The following PLCXD3 variants were observed in gnomAD, a reference collection of about 807,000 sequenced individuals.
The protein encoded by PLCXD3 is phosphatidylinositol specific phospholipase C X domain containing 3.
In PLCXD3, 19 loss-of-function variants were observed where a neutral mutation model predicts 25.5. The observed-to-expected ratio is 0.75, with a 90% CI of 0.52 to 1.09. The LOEUF (loss-of-function observed/expected upper bound fraction) is 1.09, where lower values mean the gene tolerates loss of function less well. PLCXD3 is among the 50% of genes least tolerant of loss of function. The pLI, the probability that PLCXD3 is intolerant of heterozygous loss-of-function variation, is 0.00. For missense variants in PLCXD3, 411 were observed against 388.1 expected, an observed-to-expected ratio of 1.06 and a Z score of -0.50; for synonymous variants, 174 against 137.6, an observed-to-expected ratio of 1.26 and a Z score of -1.85.
At chr5:41,485,363 A>G (rs1450942433) in intron 1 of PLCXD3, among the ~76,000 whole-genome samples, 1 of 152,184 alleles carries the variant, frequency 6.6e-6, no homozygotes, top group Non-Finnish European at 1.5e-5. Flanking sequence ...TACTTAAAAA[A>G]TCACACTGAT....
At chr5:41,370,791 T>C (rs995785748) in intron 2 of PLCXD3, among the ~76,000 whole-genome samples, 4 of 152,176 alleles carry the variant, frequency 2.6e-5, no homozygotes, top group African/African-American at 9.6e-5. Flanking sequence ...AACCAATTTG[T>C]TGAAAATGTG....
chr5:41,492,335 T>C (rs1216143933), intron 1 of PLCXD3, among the ~76,000 whole-genome samples: 17 of 152,182 alleles, frequency 1.1e-4, no homozygotes, highest in Non-Finnish European at 2.2e-4. Context: ...CCTTTGTGGG[T>C]AACCCGACCT....
intron 1 of PLCXD3, among the ~76,000 whole-genome samples, chr5:41,449,366 T>A (rs954986651): frequency 1.4e-4 from 21 of 152,226 alleles, no homozygotes; most frequent in African/African-American, 4.3e-4. Context: ...TAGAGCATAG[T>A]CAGTGGTCAA....
At chr5:41,369,852 T>C (rs1740997908) in intron 2 of PLCXD3, among the ~76,000 whole-genome samples, 1 of 152,206 alleles carries the variant, frequency 6.6e-6, no homozygotes, top group Non-Finnish European at 1.5e-5. Context: ...CTAAATTATA[T>C]AGGCAACAAC....
At chr5:41,419,496 T>C (rs1001602716) in intron 1 of PLCXD3, among the ~76,000 whole-genome samples, 4 of 152,136 alleles carry the variant, frequency 2.6e-5, no homozygotes, top group African/African-American at 9.7e-5. Context: ...CAAGACATGG[T>C]TGAAGTTTTT....
intron 1 of PLCXD3, among the ~76,000 whole-genome samples, chr5:41,415,554 C>T (rs10512771): frequency 0.076 from 11,495 of 152,216 alleles, 629 homozygotes; most frequent in East Asian, 0.18. Flanking sequence ...TTCACAATGA[C>T]GTTGCCCATT....
intron 1 of PLCXD3, among the ~76,000 whole-genome samples, chr5:41,475,174 C>A (rs1049196437): frequency 2.0e-5 from 3 of 152,222 alleles, no homozygotes; most frequent in Non-Finnish European, 2.9e-5. Flanking sequence ...AATTATTCCC[C>A]ATGTTACCCT....
intron 2 of PLCXD3, among the ~76,000 whole-genome samples, chr5:41,345,764 C>T (rs1240888361): frequency 6.6e-6 from 1 of 152,116 alleles, no homozygotes; most frequent in Non-Finnish European, 1.5e-5. Context: ...CCAACTTTAA[C>T]TCATTTAACT....
At chr5:41,408,530 C>T (rs758493991) in intron 1 of PLCXD3, among the ~76,000 whole-genome samples, 12 of 152,164 alleles carry the variant, frequency 7.9e-5, no homozygotes, top group Non-Finnish European at 1.3e-4. Flanking sequence ...GAATACTTTC[C>T]TGTCACATAT....
At chr5:41,472,315 C>T (rs1748183886) in intron 1 of PLCXD3, among the ~76,000 whole-genome samples, 1 of 152,078 alleles carries the variant, frequency 6.6e-6, no homozygotes, top group Admixed American at 6.5e-5. Context: ...TCTGATCTGC[C>T]TTGACTGGTT....
chr5:41,489,493 G>T (rs1392784771), intron 1 of PLCXD3, among the ~76,000 whole-genome samples: 1 of 152,084 alleles, frequency 6.6e-6, no homozygotes, highest in African/African-American at 2.4e-5. Context: ...TGATGGGGAT[G>T]GCCTTGAATC....
At chr5:41,458,576 T>C (rs1747806315) in intron 1 of PLCXD3, among the ~76,000 whole-genome samples, 1 of 151,984 alleles carries the variant, frequency 6.6e-6, no homozygotes, top group African/African-American at 2.4e-5. Flanking sequence ...GTGTTAAGTG[T>C]TGGGACCAAG....
At chr5:41,373,484 C>G (rs1045779287) in intron 2 of PLCXD3, among the ~76,000 whole-genome samples, 15 of 152,142 alleles carry the variant, frequency 9.9e-5, no homozygotes, top group Non-Finnish European at 1.0e-4. Flanking sequence ...GTATACTTAG[C>G]TAACCCATTC....
chr5:41,361,662 T>C (rs141637926), intron 2 of PLCXD3, among the ~76,000 whole-genome samples: 1 of 152,286 alleles, frequency 6.6e-6, no homozygotes, highest in East Asian at 1.9e-4. Context: ...AAATAAAAGA[T>C]AAATAAAAGG....
chr5:41,407,640 A>G (rs1395977988), intron 1 of PLCXD3, among the ~76,000 whole-genome samples: 1 of 152,226 alleles, frequency 6.6e-6, no homozygotes, highest in East Asian at 1.9e-4. Context: ...ATGTATCACA[A>G]TCTACAAGAC....
chr5:41,425,976 T>C (rs1448894219), intron 1 of PLCXD3, among the ~76,000 whole-genome samples: 2 of 152,180 alleles, frequency 1.3e-5, no homozygotes, highest in African/African-American at 2.4e-5. Flanking sequence ...TGCCGAGGAA[T>C]GTGATTGCTG....
chr5:41,474,620 G>A (rs78771745), intron 1 of PLCXD3, among the ~76,000 whole-genome samples: 3,455 of 152,234 alleles, frequency 0.023, 117 homozygotes, highest in African/African-American at 0.078. Flanking sequence ...CCAAATCCCT[G>A]ATTCTCTCAC....
intron 1 of PLCXD3, among the ~76,000 whole-genome samples, chr5:41,384,601 T>C (rs1299579649): frequency 1.3e-5 from 2 of 152,216 alleles, no homozygotes; most frequent in Non-Finnish European, 1.5e-5. Flanking sequence ...TAACTAGATT[T>C]CTTTTACTAG....
At chr5:41,455,625 A>T (rs939278961) in intron 1 of PLCXD3, among the ~76,000 whole-genome samples, 3 of 151,990 alleles carry the variant, frequency 2.0e-5, no homozygotes, top group Non-Finnish European at 4.4e-5. Context: ...TGTAAGCCAT[A>T]TAAAGTGAAG....
Sources: allele counts gnomAD v4.1 joint callset (sites outside exome capture counted in the v4.1 genomes callset), GRCh38; gene constraint gnomAD v4.1.1; transcripts MANE v1.5; gene names NCBI Gene and HGNC (gene_info 2026-07-23, HGNC 2026-07-21).